Variants in SERPINA3 observed in about 807,000 individuals in gnomAD.
The protein encoded by SERPINA3 is serpin family A member 3.
Under a neutral mutation model 26.8 loss-of-function variants are expected in SERPINA3, and 32 were observed. That is an observed-to-expected ratio of 1.20 (90% CI 0.90 to 1.61). SERPINA3 has a LOEUF of 1.61. SERPINA3 is among the 40% of genes most tolerant of loss of function. The pLI, the probability that SERPINA3 is intolerant of heterozygous loss-of-function variation, is 0.00. For missense variants in SERPINA3, 632 were observed against 517.9 expected (o/e 1.22, Z -2.14); for synonymous variants, 252 against 206.4 (o/e 1.22, Z -1.89).
At position 94,612,415 on chromosome 14, in the gene SERPINA3, A is replaced by T. The variant is rs757061980; in HGVS notation, c.-41A>T. 5 of 1,365,990 alleles carry T rather than the reference A, an allele frequency of 3.7e-6. No homozygotes were observed. The Admixed American group carries it at 9.5e-5, about 26-fold the overall frequency. The allele number at this position is 1,365,990 out of a possible 1,614,324, so 84.6% of individuals were successfully genotyped here. A position where few individuals can be genotyped will look rare whatever the true frequency, so the allele number is the denominator to read the frequency against. On this transcript the variant is annotated 5_prime_UTR_variant, in exon 1 of 5. Coordinates refer to ENST00000393078, the MANE Select transcript of SERPINA3 (RefSeq NM_001085.5). ...CACTACTCCAGACAGACGGCTTTGGAATCCACCAGCTACATCCAGCTCCCT... is the reference window on the plus strand; with the variant it reads ...CACTACTCCAGACAGACGGCTTTGGTATCCACCAGCTACATCCAGCTCCCT...
Position 94,622,450 on chromosome 14 carries a change from C to T in SERPINA3, c.1027C>T (p.Leu343=), listed in dbSNP as rs1234956305. The change falls in exon 4 of 5, where the codon CTG becomes TTG. Residue 343 remains leucine (L), a synonymous_variant. Transcript: ENST00000393078. ...IEEAFTSKAD[L]SGITGARNLA... ...GGAAGCCTTCACCAGCAAGGCTGAC[C>T]TGTCAGGGATCACAGGGGCCAGGAA... The T allele has an allele frequency of 3.7e-6, 6 of 1,614,056 alleles. No homozygotes were observed. In the East Asian group the frequency reaches 1.3e-4, roughly 36 times the overall value.
chr14:94,615,604 C>T (rs1317484223), intron 2 of SERPINA3: 4 of 341,642 alleles, frequency 1.2e-5, no homozygotes, highest in East Asian at 1.7e-4. Flanking sequence ...AGCCTGGCCA[C>T]TTCCAAGATT....
chr14:94,620,262 T>C (rs1886152786), intron 3 of SERPINA3, among the ~76,000 whole-genome samples: 1 of 152,018 alleles, frequency 6.6e-6, no homozygotes, highest in Non-Finnish European at 1.5e-5. Context: ...GCCTCTGAGG[T>C]GGAAGTGAGC....
At chr14:94,616,649 T>G (rs1037325501) in intron 2 of SERPINA3, among the ~76,000 whole-genome samples, 3 of 151,818 alleles carry the variant, frequency 2.0e-5, no homozygotes, top group African/African-American at 4.8e-5. Flanking sequence ...AGTAAGGGGG[T>G]GGGGGCATCC....
At chr14:94,620,755 C>T (rs988508402) in intron 3 of SERPINA3, among the ~76,000 whole-genome samples, 5 of 152,108 alleles carry the variant, frequency 3.3e-5, no homozygotes, top group African/African-American at 7.2e-5. Flanking sequence ...CTGGGACACA[C>T]GGAATTGAGC....
rs76959198 is a variant in SERPINA3 at position 94,622,097 on chromosome 14, G to A, written c.918-244G>A. ...GCAGGGAAAGGGCAGGGCCAGGCTC[G>A]AGCAGGGCCACAACTCCAGGCTTGG... On this transcript the variant is annotated intron_variant, in intron 3 of 4. Coordinates refer to ENST00000393078, the MANE Select transcript of SERPINA3 (RefSeq NM_001085.5). Among the ~76,000 whole-genome samples, 147 of 152,348 alleles carry A rather than the reference G, an allele frequency of 9.6e-4. 3 individuals carry two copies. The East Asian group carries it at 0.026, about 27-fold the overall frequency.
In SERPINA3 at chr14:94,612,403, A is replaced by G; in HGVS notation, c.-53A>G. On this transcript the variant is annotated 5_prime_UTR_variant, in exon 1 of 5. Coordinates refer to ENST00000393078, the MANE Select transcript of SERPINA3 (RefSeq NM_001085.5). ...TTCATGAAAATCCACTACTCCAGAC[A>G]GACGGCTTTGGAATCCACCAGCTAC... 1 of 1,366,106 alleles carries G rather than the reference A, an allele frequency of 7.3e-7. No individual in the cohort carries two copies. The highest frequency in any genetic ancestry group is 9.8e-7 in the Non-Finnish European group (1 of 1,021,632). 84.6% of individuals were successfully genotyped at this position (1,366,106 alleles called of 1,614,324 possible).
rs376051867 is a variant in SERPINA3 at position 94,623,763 on chromosome 14, C to T, written c.1221C>T (p.Asp407=). Residue 407 remains aspartate, a synonymous_variant, in exon 5 of 5, where the codon GAC becomes GAT. Coordinates refer to ENST00000393078, the MANE Select transcript of SERPINA3 (RefSeq NM_001085.5). ...TCCTGATGATCATTGTCCCTACAGA[C>T]ACCCAGAACATCTTCTTCATGAGCA... is the stretch of plus-strand genomic sequence containing the variant. The part of the protein sequence containing the change: ...RPFLMIIVPT[D]TQNIFFMSKV... 1.2e-6 allele frequency: 2 copies of T among 1,614,180 alleles called. No homozygotes were observed. The highest frequency in any genetic ancestry group is 2.2e-5 in the East Asian group (1 of 44,854).
At chr14:94,623,082 T>C (rs1029971361) in intron 4 of SERPINA3, among the ~76,000 whole-genome samples, 1 of 151,882 alleles carries the variant, frequency 6.6e-6, no homozygotes, top group Admixed American at 6.6e-5. Flanking sequence ...TAAGAGAGGG[T>C]TGTGTGTAGA....
chr14:94,618,977 C>A (rs1226801276), intron 2 of SERPINA3: 24 of 612,064 alleles, frequency 3.9e-5, no homozygotes, highest in Non-Finnish European at 2.9e-6. Flanking sequence ...TCATTTAGCA[C>A]AAGGAACTAG....
At chr14:94,619,077 A>G in intron 2 of SERPINA3, 118 bp from the exon 3 acceptor site, 2 of 1,195,130 alleles carry the variant, frequency 1.7e-6, no homozygotes, top group South Asian at 2.4e-5. Context: ...CTACTTCTCT[A>G]AACCAAAGCA....
chr14:94,620,914 CT>C (rs1437988584), intron 3 of SERPINA3, among the ~76,000 whole-genome samples: 1 of 152,160 alleles, frequency 6.6e-6, no homozygotes, highest in Non-Finnish European at 1.5e-5. Flanking sequence ...CTGGTGTGAC[CT>C]GGAGCAGGTC....
At chr14:94,622,570 T>A (rs976358201) in intron 4 of SERPINA3, 79 bp downstream of exon 4, 27 of 1,521,808 alleles carry the variant, frequency 1.8e-5, no homozygotes, top group Middle Eastern at 2.2e-4. Flanking sequence ...TTTTGGGTAC[T>A]CTTGAACTTG....
rs1210598919 is a variant in SERPINA3 at position 94,623,713 on chromosome 14, A to T, written c.1171A>T (p.Thr391Ser). ...TLLSALVETR[T>S]IVRFNRPFLM... ...CCTTTCTGCATTAGTGGAGACAAGGACCATTGTGCGTTTCAACAGGCCCTT... is the reference window on the plus strand; with the variant it reads ...CCTTTCTGCATTAGTGGAGACAAGGTCCATTGTGCGTTTCAACAGGCCCTT... Residue 391 changes from threonine to serine, a missense_variant, in exon 5 of 5, where the codon ACC (threonine) becomes TCC (serine). Thr to Ser is a moderately conservative substitution (Grantham distance 58, BLOSUM62 1). Coordinates refer to ENST00000393078, the MANE Select transcript of SERPINA3 (RefSeq NM_001085.5). 6.2e-7 allele frequency: 1 copy of T among 1,614,110 alleles called. No homozygotes were observed. The highest frequency in any genetic ancestry group is 8.5e-7 in the Non-Finnish European group (1 of 1,179,994).
chr14:94,621,820 C>T (rs1049325706), intron 3 of SERPINA3, among the ~76,000 whole-genome samples: 1 of 152,188 alleles, frequency 6.6e-6, no homozygotes, highest in East Asian at 1.9e-4. Context: ...GATCACCCAC[C>T]GCCCCGTGGA....
chr14:94,613,162 C>A (rs540327945), intron 1 of SERPINA3, among the ~76,000 whole-genome samples: 1 of 144,554 alleles, frequency 6.9e-6, no homozygotes. Context: ...CTGGCCTCCC[C>A]TCCTTCCCCT....
intron 2 of SERPINA3, chr14:94,615,372 A>G (rs868641544): frequency 1.7e-5 from 9 of 517,150 alleles, no homozygotes; most frequent in African/African-American, 5.7e-5. Context: ...GCAAACAGAA[A>G]GAAGGAGCTC....
At chr14:94,612,725 T>C (rs10133663) in intron 1 of SERPINA3, among the ~76,000 whole-genome samples, 8,370 of 152,278 alleles carry the variant, frequency 0.055, 564 homozygotes, top group East Asian at 0.16. Flanking sequence ...GATTCGGATT[T>C]GAGTCAGCTG....
At chr14:94,616,867 T>C (rs1443972939) in intron 2 of SERPINA3, among the ~76,000 whole-genome samples, 1 of 151,996 alleles carries the variant, frequency 6.6e-6, no homozygotes, top group African/African-American at 2.4e-5. Context: ...CAGAAGATGT[T>C]AAGGAGGCAA....
Sources: allele counts gnomAD v4.1 joint callset (sites outside exome capture counted in the v4.1 genomes callset), GRCh38; gene constraint gnomAD v4.1.1; transcripts MANE v1.5; gene names NCBI Gene and HGNC (gene_info 2026-07-23, HGNC 2026-07-21).